Variants in DSCAM observed in about 807,000 individuals in gnomAD.
DSCAM encodes cell adhesion molecule DSCAM.
In DSCAM, 47 loss-of-function variants were observed where a neutral mutation model predicts 217.7. The ratio of observed to expected loss-of-function variants is 0.22; its 90% confidence interval spans 0.17 to 0.28. The LOEUF is 0.28. DSCAM is among the 10% of genes least tolerant of loss of function. The probability of loss-of-function intolerance (pLI) is 1.00; values close to 1 mark genes in which losing one functional copy is unlikely to be tolerated. For synonymous variants in DSCAM, 1,056 were observed against 1,015.3 expected, an observed-to-expected ratio of 1.04 and a Z score of -0.76; for missense variants, 2,080 against 2,618.3, an observed-to-expected ratio of 0.79 and a Z score of 4.49.
chr21:40,053,610 G>T (rs915996422), intron 29 of DSCAM, among the ~76,000 whole-genome samples: 4 of 152,246 alleles, frequency 2.6e-5, no homozygotes, highest in South Asian at 2.1e-4. Context: ...GGATTCTTGT[G>T]GTCAGAGCCC....
chr21:40,676,506 T>C (rs2090340361), intron 3 of DSCAM, among the ~76,000 whole-genome samples: 1 of 152,224 alleles, frequency 6.6e-6, no homozygotes, highest in Non-Finnish European at 1.5e-5. Context: ...AAAGAGGAAA[T>C]GCTTGAGACT....
intron 3 of DSCAM, among the ~76,000 whole-genome samples, chr21:40,458,390 A>G (rs2075780325): frequency 6.6e-6 from 1 of 152,202 alleles, no homozygotes; most frequent in South Asian, 2.1e-4. Flanking sequence ...AAAGTTGTAT[A>G]TGAAGTAGAA....
chr21:40,420,518 G>T (rs928906381), intron 3 of DSCAM, among the ~76,000 whole-genome samples: 2 of 152,192 alleles, frequency 1.3e-5, no homozygotes, highest in African/African-American at 4.8e-5. Flanking sequence ...GGATTCAGGA[G>T]AGTTGGTTTG....
At position 40,822,003 on chromosome 21, in the gene DSCAM, C is replaced by T. The variant is rs186595194; in HGVS notation, c.43+24616G>A. Reference sequence around the variant, plus strand: ...TGTAACAAATCTGCGCATGTATCCCCGAACTTAAAATAAAAGTTAAAAAAA... The same window carrying T: ...TGTAACAAATCTGCGCATGTATCCCTGAACTTAAAATAAAAGTTAAAAAAA... On this transcript the variant is annotated intron_variant, in intron 1 of 32. Transcript: ENST00000400454. 6.6e-3 allele frequency among the ~76,000 whole-genome samples: 1,002 copies of T among 151,016 alleles called. 9 individuals carry two copies. The highest frequency in any genetic ancestry group is 0.011 in the Non-Finnish European group (754 of 67,830).
At chr21:40,429,605 A>G (rs561370580) in intron 3 of DSCAM, among the ~76,000 whole-genome samples, 5 of 152,304 alleles carry the variant, frequency 3.3e-5, no homozygotes, top group African/African-American at 1.2e-4. Context: ...GGACCCAGAT[A>G]GCCTGGGCTC....
In DSCAM at chr21:40,557,863, C is replaced by T. The variant is rs1171419958; in HGVS notation, c.508+134947G>A. ...AAATGCACTGATACATATATACACA[C>T]GCACTGATATCTCACTAGACCATAC... On this transcript the variant is annotated intron_variant, in intron 3 of 32. Transcript: ENST00000400454. Among the ~76,000 whole-genome samples, 8 of 152,116 alleles carry T rather than the reference C, an allele frequency of 5.3e-5. No homozygotes were observed. The East Asian group carries it at 5.8e-4, about 11-fold the overall frequency.
chr21:40,238,654 C>T (rs1438559641), intron 11 of DSCAM, among the ~76,000 whole-genome samples: 1 of 152,174 alleles, frequency 6.6e-6, no homozygotes, highest in Non-Finnish European at 1.5e-5. Flanking sequence ...TGTGTGTTGC[C>T]TAAATAAGCA....
intron 1 of DSCAM, among the ~76,000 whole-genome samples, chr21:40,835,309 C>T (rs555174369): frequency 1.3e-5 from 2 of 152,308 alleles, no homozygotes; most frequent in East Asian, 1.9e-4. Context: ...CTGTGCTATA[C>T]CATGTAGGTT....
intron 3 of DSCAM, among the ~76,000 whole-genome samples, chr21:40,533,208 A>G (rs1347623175): frequency 6.6e-6 from 1 of 152,178 alleles, no homozygotes. Flanking sequence ...AAATAATCAA[A>G]ACTATCCTTA....
chr21:40,771,555 C>G (rs1280241242), intron 1 of DSCAM, among the ~76,000 whole-genome samples: 1 of 152,164 alleles, frequency 6.6e-6, no homozygotes, highest in African/African-American at 2.4e-5. Flanking sequence ...AGAGCACTTG[C>G]GTGGTTCATA....
intron 11 of DSCAM, among the ~76,000 whole-genome samples, chr21:40,274,002 T>C (rs999269882): frequency 1.3e-5 from 2 of 152,208 alleles, no homozygotes; most frequent in Non-Finnish European, 1.5e-5. Context: ...ACACGGTCAC[T>C]GATTCTACAA....
intron 3 of DSCAM, among the ~76,000 whole-genome samples, chr21:40,376,764 G>A (rs910358584): frequency 2.7e-5 from 4 of 149,572 alleles, no homozygotes; most frequent in African/African-American, 7.4e-5. Flanking sequence ...AGGCATGAAC[G>A]AGCTACAGAT....
chr21:40,439,869 C>A (rs1369628146), intron 3 of DSCAM, among the ~76,000 whole-genome samples: 2 of 152,050 alleles, frequency 1.3e-5, no homozygotes, highest in Non-Finnish European at 1.5e-5. Flanking sequence ...GACCTGCCCC[C>A]ATAATTAAAT....
intron 15 of DSCAM, 44 bp downstream of exon 15, chr21:40,178,883 C>T (rs1385807631): frequency 2.5e-6 from 4 of 1,610,820 alleles, no homozygotes; most frequent in Admixed American, 3.3e-5. Context: ...CAAGAGTTAG[C>T]TCCCGGGCTC....
At chr21:40,798,086 A>G (rs1477318673) in intron 1 of DSCAM, among the ~76,000 whole-genome samples, 1 of 152,156 alleles carries the variant, frequency 6.6e-6, no homozygotes, top group African/African-American at 2.4e-5. Flanking sequence ...CCGCTTTAAG[A>G]TGAATCAGAC....
At position 40,692,850 on chromosome 21, in the gene DSCAM, A is replaced by G. The variant is rs781007877; in HGVS notation, c.468T>C (p.Thr156=). The G allele has an allele frequency of 6.2e-7, 1 of 1,613,866 alleles. No individual in the cohort carries two copies. The highest frequency in any genetic ancestry group is 8.5e-7 in the Non-Finnish European group (1 of 1,179,882). Residue 156 remains threonine (T), a synonymous_variant, in exon 3 of 33, where the codon ACT becomes ACC. Coordinates refer to ENST00000400454, the MANE Select transcript of DSCAM (RefSeq NM_001389.5). Reference sequence around the variant, plus strand: ...CAGTGTCTTTCTCCCATGAGACGACAGTGATGTACGCCTCCACCGAGGAGG... The same window carrying G: ...CAGTGTCTTTCTCCCATGAGACGACGGTGATGTACGCCTCCACCGAGGAGG... ...IIPSSVEAYI[T]VVSWEKDTVS...
intron 3 of DSCAM, among the ~76,000 whole-genome samples, chr21:40,508,717 A>C: frequency 7.8e-6 from 1 of 128,168 alleles, no homozygotes; most frequent in Non-Finnish European, 1.6e-5. Flanking sequence ...CACAGGTGCA[A>C]ACCACCACAC....
intron 1 of DSCAM, among the ~76,000 whole-genome samples, chr21:40,808,013 T>C (rs2091803401): frequency 6.6e-6 from 1 of 152,144 alleles, no homozygotes; most frequent in African/African-American, 2.4e-5. Context: ...CTGCTGAGTG[T>C]GTTGTTTGCA....
chr21:40,667,856 C>T (rs1255947914), intron 3 of DSCAM, among the ~76,000 whole-genome samples: 1 of 152,086 alleles, frequency 6.6e-6, no homozygotes, highest in Non-Finnish European at 1.5e-5. Flanking sequence ...TATAAATTAC[C>T]CAGTCTCAGG....
Sources: allele counts gnomAD v4.1 joint callset (sites outside exome capture counted in the v4.1 genomes callset), GRCh38; gene constraint gnomAD v4.1.1; transcripts MANE v1.5; gene names NCBI Gene and HGNC (gene_info 2026-07-23, HGNC 2026-07-21).